The following MYRIP variants were observed in gnomAD, a reference collection of about 807,000 sequenced individuals.
MYRIP encodes the protein myosin VIIA and Rab interacting protein, also known as rab effector MyRIP.
In MYRIP, 49 loss-of-function variants were observed where a neutral mutation model predicts 98.0. The ratio of observed to expected loss-of-function variants is 0.50; its 90% CI spans 0.40 to 0.63. The LOEUF (loss-of-function observed/expected upper bound fraction) is 0.63, where lower values mean the gene tolerates loss of function less well. Ranked by LOEUF, MYRIP falls within the 30% of genes least tolerant of loss-of-function variation. The pLI, the probability that MYRIP is intolerant of heterozygous loss-of-function variation, is 0.00. For missense variants in MYRIP, 1,004 were observed against 1,058.2 expected, an observed-to-expected ratio of 0.95 and a Z score of 0.71; for synonymous variants, 404 against 409.5, an observed-to-expected ratio of 0.99 and a Z score of 0.16.
chr3:39,874,664 A>G (rs893779922), intron 1 of MYRIP, among the ~76,000 whole-genome samples: 2 of 152,140 alleles, frequency 1.3e-5, no homozygotes, highest in Middle Eastern at 3.2e-3. Context: ...CATATATTGA[A>G]CCAGCCTTGC....
rs193186384 is a variant in MYRIP, at chr3:40,238,938, G to A, written c.2100+4885G>A. Among the ~76,000 whole-genome samples, 161 of 151,732 alleles carry A rather than the reference G, an allele frequency of 1.1e-3. 2 individuals carry two copies. Among genetic ancestry groups the A allele is most frequent in the African/African-American group, 3.9e-3 (160 of 41,308 alleles). On this transcript the variant is annotated intron_variant, in intron 12 of 16. Coordinates refer to ENST00000302541, the MANE Select transcript of MYRIP (RefSeq NM_015460.4). ...ATTTATTATTATACTTTAAGTTTTA[G>A]GGTACATGTGCACAATGTGCAGGTT...
chr3:40,029,831 A>G (rs1223129204), intron 2 of MYRIP, among the ~76,000 whole-genome samples: 1 of 152,008 alleles, frequency 6.6e-6, no homozygotes, highest in Non-Finnish European at 1.5e-5. Flanking sequence ...AAGCTGAGGT[A>G]GGAAGATTAC....
chr3:40,046,315 C>T lies in MYRIP; in HGVS notation c.332+2044C>T, dbSNP rs544376104. Among the ~76,000 whole-genome samples, 17 of 152,126 alleles carry T rather than the reference C, an allele frequency of 1.1e-4. No homozygotes were observed. In the South Asian group the frequency reaches 1.5e-3, roughly 13 times the overall value. On this transcript the variant is annotated intron_variant, in intron 3 of 16. Coordinates refer to ENST00000302541, the MANE Select transcript of MYRIP (RefSeq NM_015460.4). ...CATTTGACTCAAACATCTGCCATGG[C>T]TGCATGCGCTACACTGACGTTTGTT...
intron 2 of MYRIP, among the ~76,000 whole-genome samples, chr3:39,902,422 C>T (rs1398084179): frequency 6.6e-6 from 1 of 152,188 alleles, no homozygotes; most frequent in Non-Finnish European, 1.5e-5. Flanking sequence ...CCAGTTTCTA[C>T]ATGGTAGTGT....
chr3:40,019,427 G>T (rs1040922638), intron 2 of MYRIP, among the ~76,000 whole-genome samples: 2 of 152,026 alleles, frequency 1.3e-5, no homozygotes, highest in Non-Finnish European at 2.9e-5. Flanking sequence ...CATCCTTCCT[G>T]GCCTAGCACA....
chr3:40,138,534 A>C (rs1033182810), intron 3 of MYRIP, among the ~76,000 whole-genome samples: 1 of 152,216 alleles, frequency 6.6e-6, no homozygotes, highest in South Asian at 2.1e-4. Context: ...GAAATGTTTA[A>C]AGTTTTTAAT....
intron 11 of MYRIP, among the ~76,000 whole-genome samples, chr3:40,223,166 G>A (rs1433221608): frequency 6.6e-6 from 1 of 152,160 alleles, no homozygotes; most frequent in Non-Finnish European, 1.5e-5. Context: ...CCAAAATTAG[G>A]TTAGAGGTTT....
intron 11 of MYRIP, among the ~76,000 whole-genome samples, chr3:40,212,586 C>T (rs9838359): frequency 0.46 from 69,137 of 151,636 alleles, 16,711 homozygotes; most frequent in Non-Finnish European, 0.55. Context: ...CTAGGCAACA[C>T]GGCAAAAACC....
chr3:39,881,563 G>A (rs895572001), intron 1 of MYRIP, among the ~76,000 whole-genome samples: 2 of 152,164 alleles, frequency 1.3e-5, no homozygotes, highest in Non-Finnish European at 2.9e-5. Flanking sequence ...AGGCCTCAAT[G>A]TTCTTGATGT....
At chr3:39,946,113 A>G (rs725297) in intron 2 of MYRIP, among the ~76,000 whole-genome samples, 76,866 of 151,912 alleles carry the variant, frequency 0.51, 20,430 homozygotes, top group African/African-American at 0.67. Flanking sequence ...TGGCAATAAA[A>G]CACAAAATAA....
intron 3 of MYRIP, among the ~76,000 whole-genome samples, chr3:40,104,478 C>T (rs1006190800): frequency 2.0e-5 from 3 of 152,174 alleles, no homozygotes; most frequent in Admixed American, 1.3e-4. Context: ...CTACTAATAT[C>T]GTAACAGGCA....
At chr3:40,180,445 A>G (rs557777654) in intron 8 of MYRIP, among the ~76,000 whole-genome samples, 2 of 152,354 alleles carry the variant, frequency 1.3e-5, no homozygotes, top group East Asian at 1.9e-4. Flanking sequence ...GCCCCAGGCC[A>G]GAAGAGAGAT....
chr3:39,966,626 TG>T (rs1184127700), intron 2 of MYRIP, among the ~76,000 whole-genome samples: 2 of 151,874 alleles, frequency 1.3e-5, no homozygotes, highest in African/African-American at 4.8e-5. Context: ...TATCCTCAGT[TG>T]GGGGCAGGGG....
chr3:40,089,223 G>A (rs995168377), intron 3 of MYRIP, among the ~76,000 whole-genome samples: 6 of 152,154 alleles, frequency 3.9e-5, no homozygotes, highest in Non-Finnish European at 8.8e-5. Flanking sequence ...GGGAAAGTAG[G>A]TATCTGACTG....
intron 2 of MYRIP, among the ~76,000 whole-genome samples, chr3:39,982,053 A>G (rs916951676): frequency 3.3e-5 from 5 of 152,240 alleles, no homozygotes; most frequent in Non-Finnish European, 7.3e-5. Flanking sequence ...ACTATAAATT[A>G]AGGACAAACC....
chr3:39,816,624 C>T (rs1381613683), intron 1 of MYRIP, among the ~76,000 whole-genome samples: 6 of 152,086 alleles, frequency 3.9e-5, no homozygotes, highest in Non-Finnish European at 7.4e-5. Context: ...GATTTGGAGT[C>T]CTGAGGAGGA....
intron 10 of MYRIP, among the ~76,000 whole-genome samples, chr3:40,195,083 G>A (rs1323507159): frequency 2.0e-5 from 3 of 152,114 alleles, no homozygotes; most frequent in South Asian, 2.1e-4. Flanking sequence ...CTGTGACATA[G>A]CAATGACATC....
intron 4 of MYRIP, among the ~76,000 whole-genome samples, chr3:40,156,017 T>C (rs990697888): frequency 1.3e-5 from 2 of 152,164 alleles, no homozygotes; most frequent in Non-Finnish European, 2.9e-5. Context: ...TTTGTCAATT[T>C]TGTCTTTTGT....
intron 1 of MYRIP, among the ~76,000 whole-genome samples, chr3:39,870,044 G>A (rs910494954): frequency 2.0e-5 from 3 of 152,178 alleles, no homozygotes; most frequent in Non-Finnish European, 4.4e-5. Context: ...GAAGCACACA[G>A]TATTTGGAGG....
Sources: gnomAD v4.1 joint callset for allele counts (sites outside exome capture counted in the v4.1 genomes callset) on GRCh38, gnomAD v4.1.1 for gene constraint, MANE v1.5 for transcripts, NCBI Gene and HGNC (gene_info 2026-07-23, HGNC 2026-07-21) for gene names.